The following ZPBP variants were observed in gnomAD, a reference collection of about 807,000 sequenced individuals.
The protein encoded by ZPBP is zona pellucida binding protein, also known as zona pellucida-binding protein 1.
ZPBP carries 26 observed loss-of-function variants against 44.8 expected under a neutral mutation model. The observed-to-expected ratio is 0.58, with a 90% CI of 0.43 to 0.81. The LOEUF is 0.81. Among genes scored for constraint, ZPBP ranks in the 30% least tolerant of loss-of-function variants. ZPBP has a pLI of 0.00. For synonymous variants in ZPBP, 174 were observed against 153.2 expected, an observed-to-expected ratio of 1.14 and a Z score of -1.00; for missense variants, 409 against 434.0, an observed-to-expected ratio of 0.94 and a Z score of 0.51.
chr7:49,896,830 A>G (rs1326389930), intron 2 of ZPBP, among the ~76,000 whole-genome samples: 1 of 151,920 alleles, frequency 6.6e-6, no homozygotes, highest in Non-Finnish European at 1.5e-5. Context: ...ACCTCAATTC[A>G]TTCAATATGA....
At chr7:50,021,883 T>C (rs1422820295) in intron 5 of ZPBP, among the ~76,000 whole-genome samples, 1 of 152,158 alleles carries the variant, frequency 6.6e-6, no homozygotes, top group Non-Finnish European at 1.5e-5. Flanking sequence ...TAATATCATT[T>C]ATAATAAATG....
chr7:50,011,567 A>C (rs1008896252), intron 6 of ZPBP, among the ~76,000 whole-genome samples: 5 of 152,220 alleles, frequency 3.3e-5, no homozygotes, highest in Non-Finnish European at 7.3e-5. Context: ...ACATCTACAG[A>C]GTATTTTAAT....
intron 6 of ZPBP, 50 bp downstream of exon 6, chr7:50,018,190 G>T: frequency 7.5e-7 from 1 of 1,332,574 alleles, no homozygotes; most frequent in African/African-American, 1.4e-5. Context: ...TACACATGGG[G>T]CATGTTCATT....
chr7:50,068,775 C>A (rs1189495945), intron 3 of ZPBP, among the ~76,000 whole-genome samples: 3 of 152,156 alleles, frequency 2.0e-5, no homozygotes, highest in Admixed American at 6.5e-5. Context: ...CTTGGTCCTG[C>A]CTTACAAACA....
intron 7 of ZPBP, among the ~76,000 whole-genome samples, chr7:49,982,324 T>A (rs1241737148): frequency 1.6e-5 from 1 of 61,410 alleles, no homozygotes; most frequent in African/African-American, 6.1e-5. Flanking sequence ...TAATATATAA[T>A]TATATAATAT....
chr7:50,002,310 C>T (rs1193324843), intron 6 of ZPBP, among the ~76,000 whole-genome samples: 1 of 152,108 alleles, frequency 6.6e-6, no homozygotes, highest in Non-Finnish European at 1.5e-5. Context: ...AATACCGCCC[C>T]CATGATCCAA....
intron 2 of ZPBP, among the ~76,000 whole-genome samples, chr7:49,877,481 A>T (rs866880579): frequency 4.5e-3 from 57 of 12,648 alleles, no homozygotes; most frequent in South Asian, 0.023. Context: ...AAAAAAAAAA[A>T]ATATATATAT....
At chr7:49,941,750 T>C (rs1794893526) in intron 7 of ZPBP, among the ~76,000 whole-genome samples, 1 of 152,000 alleles carries the variant, frequency 6.6e-6, no homozygotes, top group African/African-American at 2.4e-5. Context: ...AAAATCCCAA[T>C]AACATTTTTT....
At chr7:49,890,123 G>T (rs1440477787) in intron 2 of ZPBP, among the ~76,000 whole-genome samples, 1 of 152,062 alleles carries the variant, frequency 6.6e-6, no homozygotes, top group East Asian at 1.9e-4. Flanking sequence ...TCTCCTTTAG[G>T]AACAGAGGGA....
At chr7:50,068,027 T>G (rs181570386) in intron 3 of ZPBP, among the ~76,000 whole-genome samples, 1 of 152,336 alleles carries the variant, frequency 6.6e-6, no homozygotes, top group East Asian at 1.9e-4. Flanking sequence ...CTTAGTTAGT[T>G]AGATCTGGTA....
chr7:49,943,659 G>A (rs528246087), intron 7 of ZPBP: 12 of 311,308 alleles, frequency 3.9e-5, no homozygotes, highest in South Asian at 3.4e-4. Flanking sequence ...TTGCAACAAG[G>A]TCACATTTGT....
At position 50,080,193 on chromosome 7, in the gene ZPBP, T is replaced by TC. The variant is rs1262789972; in HGVS notation, c.334+1580dup. 3.3e-5 allele frequency among the ~76,000 whole-genome samples: 5 copies of TC among 151,862 alleles called. No individual in the cohort carries two copies. In the East Asian group the frequency reaches 7.7e-4, roughly 23 times the overall value. On this transcript the variant is annotated intron_variant, in intron 3 of 7. Coordinates refer to ENST00000046087, the MANE Select transcript of ZPBP (RefSeq NM_007009.3). ...TCAAACTTTAAGACATTAGACCTCT[T>TC]CCAGTCCTTTCTGAAATAAAAAGTA...
At chr7:49,927,423 A>G (rs1279969111) in intron 1 of ZPBP, among the ~76,000 whole-genome samples, 2 of 152,174 alleles carry the variant, frequency 1.3e-5, no homozygotes, top group African/African-American at 4.8e-5. Context: ...ATCTATTTCC[A>G]TCAACACCCC....
In ZPBP at chr7:49,911,822, G is replaced by A. The variant is rs190001805; in HGVS notation, n.412-10607C>T. Among the ~76,000 whole-genome samples the A allele has an allele frequency of 5.0e-3, 757 of 150,558 alleles. 14 individuals are homozygous for A. Among genetic ancestry groups the A allele is most frequent in the Middle Eastern group, 6.9e-3 (2 of 288 alleles). On this transcript the variant is annotated intron_variant and non_coding_transcript_variant, in intron 1 of 2. Transcript: ENST00000465922. ...TGAGGCAGGAGAATTGCCTGAATCC[G>A]GGAGGCAGAAGTTGCAGTGAGCCGA...
intron 2 of ZPBP, among the ~76,000 whole-genome samples, chr7:49,883,799 T>C (rs942415865): frequency 6.6e-6 from 1 of 152,220 alleles, no homozygotes; most frequent in African/African-American, 2.4e-5. Context: ...AAGTATCAGT[T>C]AAAATCAATG....
At chr7:49,840,938 G>A in the ZPBP span, among the ~76,000 whole-genome samples, 1 of 152,170 alleles carries the variant, frequency 6.6e-6, no homozygotes, top group South Asian at 2.1e-4. Context: ...GTTAACATGA[G>A]TGACTTGATG....
intron 7 of ZPBP, among the ~76,000 whole-genome samples, chr7:49,958,432 G>A (rs1032102141): frequency 6.6e-6 from 1 of 152,124 alleles, no homozygotes; most frequent in Admixed American, 6.6e-5. Context: ...TTAGGAGGTG[G>A]GGCCTAATGG....
At chr7:49,900,539 G>T (rs1403074316) in intron 2 of ZPBP, among the ~76,000 whole-genome samples, 3 of 151,636 alleles carry the variant, frequency 2.0e-5, no homozygotes, top group South Asian at 4.1e-4. Flanking sequence ...TCCTATTCCT[G>T]CAAGTTTAAT....
At chr7:49,893,167 G>A (rs1792217316) in intron 2 of ZPBP, among the ~76,000 whole-genome samples, 1 of 152,166 alleles carries the variant, frequency 6.6e-6, no homozygotes, top group Admixed American at 6.5e-5. Context: ...TTTATATCTT[G>A]AATTTTGGTG....
Sources: allele counts gnomAD v4.1 joint callset (sites outside exome capture counted in the v4.1 genomes callset), GRCh38; gene constraint gnomAD v4.1.1; transcripts MANE v1.5; gene names NCBI Gene and HGNC (gene_info 2026-07-23, HGNC 2026-07-21).